Variants in FBXO7 observed in about 807,000 individuals in gnomAD.
The protein encoded by FBXO7 is F-box only protein 7.
Under a neutral mutation model 50.2 loss-of-function variants are expected in FBXO7, and 31 were observed. The observed-to-expected ratio is 0.62, with a 90% CI of 0.46 to 0.83. The LOEUF (loss-of-function observed/expected upper bound fraction) is 0.83. Ranked by LOEUF, FBXO7 falls within the 40% of genes least tolerant of loss-of-function variation. The pLI, the probability that FBXO7 is intolerant of heterozygous loss-of-function variation, is 0.00. For synonymous variants in FBXO7, 256 were observed against 253.1 expected, an observed-to-expected ratio of 1.01 and a Z score of -0.11; for missense variants, 667 against 646.6, an observed-to-expected ratio of 1.03 and a Z score of -0.34.
At position 32,474,870 on chromosome 22, in the gene FBXO7, C is replaced by T; in HGVS notation, c.-133C>T. Reference sequence around the variant, plus strand: ...CTGTGGCGGGGCTCTTTCCCCGTTTCGCCTCAGCTACCCCTCAGCTCCGGT... The same window carrying T: ...CTGTGGCGGGGCTCTTTCCCCGTTTTGCCTCAGCTACCCCTCAGCTCCGGT... On this transcript the variant is annotated 5_prime_UTR_variant, in exon 1 of 9. Transcript: ENST00000266087. The T allele has an allele frequency of 1.2e-6, 1 of 861,980 alleles. No individual in the cohort carries two copies. The highest frequency in any genetic ancestry group is 1.7e-6 in the Non-Finnish European group (1 of 587,104). 53.4% of individuals were successfully genotyped at this position (861,980 alleles called of 1,614,324 possible). A position where few individuals can be genotyped will look rare whatever the true frequency, so the allele number is the denominator to read the frequency against.
At chr22:32,481,701 A>G (rs778792482) in intron 2 of FBXO7, among the ~76,000 whole-genome samples, 4 of 152,204 alleles carry the variant, frequency 2.6e-5, no homozygotes, top group Non-Finnish European at 5.9e-5. Context: ...TTGTAATTAA[A>G]TATCAGTTTT....
At chr22:32,494,279 AT>A (rs2057558071) in intron 7 of FBXO7, among the ~76,000 whole-genome samples, 1 of 151,996 alleles carries the variant, frequency 6.6e-6, no homozygotes, top group Non-Finnish European at 1.5e-5. Flanking sequence ...TGAATTTGAC[AT>A]TTAAAATGTT....
intron 1 of FBXO7, among the ~76,000 whole-genome samples, chr22:32,478,597 A>T (rs889018113): frequency 6.6e-6 from 1 of 152,176 alleles, no homozygotes; most frequent in Non-Finnish European, 1.5e-5. Context: ...ATGCGTGCCT[A>T]TAGTCCTAGC....
At chr22:32,493,427 C>G in intron 7 of FBXO7, 146 bp downstream of exon 7, 1 of 713,286 alleles carries the variant, frequency 1.4e-6, no homozygotes, top group South Asian at 1.5e-5. Context: ...GCTTCATATA[C>G]CTGTGCCTGT....
intron 7 of FBXO7, 112 bp from the exon 8 acceptor site, chr22:32,495,381 T>TTTTTC: frequency 1.2e-4 from 74 of 608,978 alleles, no homozygotes; most frequent in Admixed American, 3.2e-4. Context: ...TTTTTTTTTT[T>TTTTTC]TTATGCTTAA....
At chr22:32,490,807 G>C (rs1031244679) in intron 5 of FBXO7, 9 of 408,420 alleles carry the variant, frequency 2.2e-5, no homozygotes, top group Non-Finnish European at 3.6e-5. Context: ...TCGTATGTAT[G>C]AATCTCTCAC....
At chr22:32,495,126 C>T (rs1010989085) in intron 7 of FBXO7, among the ~76,000 whole-genome samples, 14 of 152,034 alleles carry the variant, frequency 9.2e-5, no homozygotes, top group Non-Finnish European at 1.6e-4. Flanking sequence ...TTTGGTGTAA[C>T]GTGAGATGTT....
intron 2 of FBXO7, among the ~76,000 whole-genome samples, chr22:32,483,235 A>G (rs865825786): frequency 2.0e-5 from 3 of 152,232 alleles, no homozygotes; most frequent in Non-Finnish European, 2.9e-5. Context: ...CAGTGCTTAT[A>G]TAATGCGAAT....
rs2057508266 is a variant in FBXO7, at chr22:32,487,787, T to G, written c.830T>G (p.Leu277Trp). The change falls in exon 5 of 9, where the codon TTG (leucine) becomes TGG (tryptophan). Residue 277 changes from leucine (L) to tryptophan (W), a missense_variant. Coordinates refer to ENST00000266087, the MANE Select transcript of FBXO7 (RefSeq NM_012179.4). ...AATGAGATTAGAAGTGTGAAAAGATTGCAGCTGCTACCAGAATCTTTTATT... is the reference window on the plus strand; with the variant it reads ...AATGAGATTAGAAGTGTGAAAAGATGGCAGCTGCTACCAGAATCTTTTATT... Reference protein sequence around the residue: ...INNEIRSVKRLQLLPESFICK... With the variant: ...INNEIRSVKRWQLLPESFICK... The G allele has an allele frequency of 6.2e-7, 1 of 1,610,596 alleles. No homozygotes were observed. The highest frequency in any genetic ancestry group is 8.5e-7 in the Non-Finnish European group (1 of 1,177,386).
chr22:32,475,036 TG>T lies in FBXO7; in HGVS notation c.36del (p.Trp12CysfsTer19). On this transcript the variant is annotated frameshift_variant, in exon 1 of 9. Coordinates refer to ENST00000266087, the MANE Select transcript of FBXO7 (RefSeq NM_012179.4). LOFTEE classifies it high-confidence loss of function. Reference protein sequence around the residue: ...RLRVRLLKRTWPLEVPETEPT... With the variant: ...RLRVRLLKRTXPLEVPETEPT... ...GCGGGTGCGGCTTCTGAAGCGGACC[TG>T]GCCGCTGGAGGTGCCCGAGACGGAG... 6.5e-7 allele frequency: 1 copy of T among 1,542,722 alleles called. No individual in the cohort carries two copies.
At chr22:32,480,915 C>G (rs1416660023) in intron 2 of FBXO7, among the ~76,000 whole-genome samples, 1 of 152,186 alleles carries the variant, frequency 6.6e-6, no homozygotes, top group Non-Finnish European at 1.5e-5. Flanking sequence ...ACCTGCCCAC[C>G]TTGGCCACCC....
intron 8 of FBXO7, among the ~76,000 whole-genome samples, chr22:32,495,795 C>T (rs1168626237): frequency 6.6e-6 from 1 of 152,094 alleles, no homozygotes; most frequent in Non-Finnish European, 1.5e-5. Context: ...AATGAGTTGT[C>T]TGTGCTGGAG....
chr22:32,484,168 A>C (rs774173729), intron 3 of FBXO7, 44 bp downstream of exon 3: 12 of 1,528,240 alleles, frequency 7.9e-6, no homozygotes. Flanking sequence ...GATTGCTCAT[A>C]CATGTGGATG....
chr22:32,487,708 C>T, intron 4 of FBXO7, 37 bp from the exon 5 acceptor site: 3 of 1,366,138 alleles, frequency 2.2e-6, no homozygotes, highest in Non-Finnish European at 3.1e-6. Context: ...GATGAAGTGA[C>T]AGAATTCTTT....
intron 2 of FBXO7, among the ~76,000 whole-genome samples, chr22:32,481,261 A>G (rs1284245369): frequency 6.6e-6 from 1 of 152,224 alleles, no homozygotes; most frequent in Non-Finnish European, 1.5e-5. Flanking sequence ...TCTGCCTCAT[A>G]GAGGTAAACT....
At chr22:32,495,464 A>C in intron 7 of FBXO7, 29 bp from the exon 8 acceptor site, 1 of 1,519,238 alleles carries the variant, frequency 6.6e-7, no homozygotes, top group Non-Finnish European at 9.1e-7. Context: ...AATGTTTTTA[A>C]ATCCTTATTT....
chr22:32,490,991 ATATT>A, intron 5 of FBXO7, 91 bp from the exon 6 acceptor site: 3 of 842,216 alleles, frequency 3.6e-6, no homozygotes, highest in Non-Finnish European at 2.0e-6. Flanking sequence ...TTATTTGTGA[ATATT>A]TATTCACCAT....
Position 32,493,209 on chromosome 22 carries a change from G to A in FBXO7, c.1072G>A (p.Val358Ile). 1 of 1,614,172 alleles carries A rather than the reference G, an allele frequency of 6.2e-7. No homozygotes were observed. Residue 358 changes from valine (V) to isoleucine (I), a missense_variant, in exon 7 of 9, where the codon GTT becomes ATT. Physicochemically the swap from Val to Ile is conservative, Grantham distance 29. Transcript: ENST00000266087. Reference sequence around the variant, plus strand: ...TCGTTCCGTCTTGTCTTTGTCTGCGGTTTGTCGTGACCTCTTTACTGCTTC... The same window carrying A: ...TCGTTCCGTCTTGTCTTTGTCTGCGATTTGTCGTGACCTCTTTACTGCTTC... ...DVRSVLSLSA[V>I]CRDLFTASND...
rs143188275 is a variant in FBXO7 at position 32,498,379 on chromosome 22, G to C, written c.1418G>C (p.Ser473Thr). 4.3e-6 allele frequency: 7 copies of C among 1,614,042 alleles called. No homozygotes were observed. Among genetic ancestry groups the C allele is most frequent in the Non-Finnish European group, 5.9e-6 (7 of 1,180,040 alleles). Residue 473 changes from serine to threonine, a missense_variant, in exon 9 of 9, where the codon AGC (serine) becomes ACC (threonine). Ser to Thr is a moderately conservative substitution (Grantham distance 58). Transcript: ENST00000266087. ...SLIPGPGETP[S>T]QFPPLRPRFD... ...ATTCCTGGTCCTGGGGAGACGCCCAGCCAGTTTCCTCCACTGAGACCACGC... is the reference window on the plus strand; with the variant it reads ...ATTCCTGGTCCTGGGGAGACGCCCACCCAGTTTCCTCCACTGAGACCACGC...
Sources: allele counts gnomAD v4.1 joint callset (sites outside exome capture counted in the v4.1 genomes callset), GRCh38; gene constraint gnomAD v4.1.1; transcripts MANE v1.5; gene names NCBI Gene and HGNC (gene_info 2026-07-23, HGNC 2026-07-21).